The following NPAS3 variants were observed in gnomAD, a reference collection of about 807,000 sequenced individuals.
The protein encoded by NPAS3 is neuronal PAS domain-containing protein 3.
Under a neutral mutation model 73.1 loss-of-function variants are expected in NPAS3, and 14 were observed. That is an observed-to-expected ratio of 0.19 (90% CI 0.13 to 0.30). The LOEUF is 0.30. NPAS3 is among the 10% of genes least tolerant of loss of function. The pLI, the probability that NPAS3 is intolerant of heterozygous loss-of-function variation, is 1.00. For synonymous variants in NPAS3, 620 were observed against 541.5 expected (o/e 1.14, Z -2.01); for missense variants, 1,096 against 1,250.0 (o/e 0.88, Z 1.86).
At chr14:33,191,858 AT>A (rs1173956739) in intron 2 of NPAS3, among the ~76,000 whole-genome samples, 3 of 152,236 alleles carry the variant, frequency 2.0e-5, no homozygotes, top group Non-Finnish European at 4.4e-5. Context: ...GAACTCATAA[AT>A]TTTTAAAAAT....
chr14:33,588,747 G>A (rs1421267100), intron 5 of NPAS3, among the ~76,000 whole-genome samples: 1 of 152,116 alleles, frequency 6.6e-6, no homozygotes, highest in African/African-American at 2.4e-5. Flanking sequence ...CCAAGTAGCT[G>A]GGATTACAGA....
intron 5 of NPAS3, among the ~76,000 whole-genome samples, chr14:33,619,928 T>C (rs960565526): frequency 6.6e-6 from 1 of 152,228 alleles, no homozygotes; most frequent in Non-Finnish European, 1.5e-5. Flanking sequence ...TGTGATCCCA[T>C]AGGCTGCCAC....
chr14:33,068,889 G>A (rs2041376133), intron 2 of NPAS3, among the ~76,000 whole-genome samples: 2 of 152,084 alleles, frequency 1.3e-5, no homozygotes. Flanking sequence ...GGGGCTGAAT[G>A]AGCAAGGAGG....
At chr14:33,632,909 T>C (rs2058420626) in intron 5 of NPAS3, among the ~76,000 whole-genome samples, 1 of 152,120 alleles carries the variant, frequency 6.6e-6, no homozygotes, top group South Asian at 2.1e-4. Context: ...ATAGCCCAAA[T>C]CATCATTCCA....
intron 5 of NPAS3, among the ~76,000 whole-genome samples, chr14:33,581,047 T>G (rs1425166657): frequency 2.6e-5 from 4 of 152,190 alleles, no homozygotes; most frequent in South Asian, 4.2e-4. Flanking sequence ...ACTGGGATAT[T>G]AGTCTTGGCT....
chr14:33,679,223 G>A (rs987225820), intron 6 of NPAS3, among the ~76,000 whole-genome samples: 9 of 152,262 alleles, frequency 5.9e-5, no homozygotes, highest in Middle Eastern at 3.4e-3. Flanking sequence ...AGTAGAGAAC[G>A]TTAAGCTACC....
intron 1 of NPAS3, among the ~76,000 whole-genome samples, chr14:32,943,374 T>C (rs1394752232): frequency 2.6e-5 from 4 of 152,178 alleles, no homozygotes; most frequent in Admixed American, 2.6e-4. Flanking sequence ...TTTAGTCATA[T>C]GAATTTTGAT....
At chr14:33,700,852 A>G (rs2060505901) in intron 6 of NPAS3, among the ~76,000 whole-genome samples, 1 of 152,170 alleles carries the variant, frequency 6.6e-6, no homozygotes, top group African/African-American at 2.4e-5. Flanking sequence ...ACACGTTTAA[A>G]CCCAGTGTGG....
intron 2 of NPAS3, among the ~76,000 whole-genome samples, chr14:33,084,650 C>T (rs1171553177): frequency 1.3e-5 from 2 of 151,986 alleles, no homozygotes; most frequent in Non-Finnish European, 2.9e-5. Flanking sequence ...ATCCTGGGGA[C>T]CTGTGTGATC....
chr14:33,203,310 T>TTTTTA (rs979245758), intron 2 of NPAS3, among the ~76,000 whole-genome samples: 14 of 152,206 alleles, frequency 9.2e-5, no homozygotes, highest in Non-Finnish European at 1.3e-4. Context: ...ACCATGTCTT[T>TTTTTA]TTTTATTTTA....
At chr14:33,131,305 T>A (rs2043626223) in intron 2 of NPAS3, among the ~76,000 whole-genome samples, 1 of 152,300 alleles carries the variant, frequency 6.6e-6, no homozygotes, top group South Asian at 2.1e-4. Flanking sequence ...AGCTTTATTC[T>A]AGATTTATTG....
intron 2 of NPAS3, among the ~76,000 whole-genome samples, chr14:33,097,798 T>C (rs1246269341): frequency 6.6e-6 from 1 of 152,140 alleles, no homozygotes; most frequent in Non-Finnish European, 1.5e-5. Flanking sequence ...CCACTTAGTG[T>C]TAGTTTTGTG....
chr14:33,538,794 AC>A (rs1170571032), intron 4 of NPAS3, among the ~76,000 whole-genome samples: 1 of 152,136 alleles, frequency 6.6e-6, no homozygotes, highest in Non-Finnish European at 1.5e-5. Flanking sequence ...CTGTAATGCA[AC>A]CTTAAGACAG....
At chr14:33,301,491 A>G (rs1308422107) in intron 3 of NPAS3, among the ~76,000 whole-genome samples, 5 of 151,844 alleles carry the variant, frequency 3.3e-5, no homozygotes, top group Admixed American at 1.3e-4. Flanking sequence ...CCTGTTAGAC[A>G]GAGTGGGAAG....
At chr14:33,193,599 G>A (rs1301393566) in intron 2 of NPAS3, among the ~76,000 whole-genome samples, 2 of 152,168 alleles carry the variant, frequency 1.3e-5, no homozygotes, top group East Asian at 3.9e-4. Flanking sequence ...TTAATGACAA[G>A]ATAATGTCCT....
At chr14:33,583,139 T>C (rs1344509916) in intron 5 of NPAS3, among the ~76,000 whole-genome samples, 1 of 152,000 alleles carries the variant, frequency 6.6e-6, no homozygotes, top group Non-Finnish European at 1.5e-5. Flanking sequence ...CAGGCTACTA[T>C]TGAGGGTTGG....
intron 3 of NPAS3, among the ~76,000 whole-genome samples, chr14:33,281,810 T>G (rs1465295591): frequency 6.6e-6 from 1 of 152,194 alleles, no homozygotes; most frequent in Non-Finnish European, 1.5e-5. Context: ...GGCTTGAATA[T>G]TACATTTATT....
chr14:33,336,142 T>G (rs2044216461), intron 3 of NPAS3, among the ~76,000 whole-genome samples: 1 of 152,250 alleles, frequency 6.6e-6, no homozygotes, highest in Non-Finnish European at 1.5e-5. Flanking sequence ...ATTATGGTTT[T>G]AATTTGTATT....
At chr14:33,238,012 C>T (rs912960825) in intron 3 of NPAS3, among the ~76,000 whole-genome samples, 4 of 151,614 alleles carry the variant, frequency 2.6e-5, no homozygotes, top group African/African-American at 9.7e-5. Context: ...GCACATTTTT[C>T]AAAAAGAATT....
Sources: gnomAD v4.1 joint callset for allele counts (sites outside exome capture counted in the v4.1 genomes callset) on GRCh38, gnomAD v4.1.1 for gene constraint, MANE v1.5 for transcripts, NCBI Gene and HGNC (gene_info 2026-07-23, HGNC 2026-07-21) for gene names.